Variants in PARP15 observed in about 807,000 individuals in gnomAD.
PARP15 encodes the protein protein mono-ADP-ribosyltransferase PARP15.
Under a neutral mutation model 62.1 loss-of-function variants are expected in PARP15, and 50 were observed. That is an observed-to-expected ratio of 0.81 (90% CI 0.64 to 1.02). PARP15 has a LOEUF of 1.02. PARP15 is among the 50% of genes least tolerant of loss of function. The pLI is 0.00. For missense variants in PARP15, 820 were observed against 826.5 expected, an observed-to-expected ratio of 0.99 and a Z score of 0.10; for synonymous variants, 309 against 293.1, an observed-to-expected ratio of 1.05 and a Z score of -0.55.
In PARP15 at chr3:122,635,951, G is replaced by A; in HGVS notation, c.1888G>A (p.Ala630Thr). The A allele has an allele frequency of 6.2e-7, 1 of 1,614,102 alleles. No homozygotes were observed. The highest frequency in any genetic ancestry group is 1.3e-5 in the African/African-American group (1 of 75,040). Residue 630 changes from alanine (A) to threonine (T), a missense_variant, in exon 12 of 12, where the codon GCA (alanine) becomes ACA (threonine). Physicochemically the swap from Ala to Thr is moderately conservative, Grantham distance 58. Coordinates refer to ENST00000464300, the MANE Select transcript of PARP15 (RefSeq NM_001113523.3). ...VLTGVFTKGR[A>T]GLVTPPPKNP... The stretch of plus-strand genomic sequence containing the variant: ...TACTGGAGTCTTCACAAAGGGACGT[G>A]CAGGATTAGTCACCCCTCCACCCAA...
At chr3:122,597,455 C>T (rs1308171116) in intron 1 of PARP15, among the ~76,000 whole-genome samples, 1 of 152,074 alleles carries the variant, frequency 6.6e-6, no homozygotes, top group Non-Finnish European at 1.5e-5. Context: ...TGGTGTACTG[C>T]ACCCATTAAC....
intron 1 of PARP15, among the ~76,000 whole-genome samples, chr3:122,579,101 C>T (rs1437883990): frequency 1.3e-5 from 2 of 152,022 alleles, no homozygotes; most frequent in Non-Finnish European, 2.9e-5. Context: ...TACTGATCCT[C>T]GACACAACCA....
chr3:122,582,576 C>G (rs1576470225), intron 1 of PARP15, among the ~76,000 whole-genome samples: 1 of 152,130 alleles, frequency 6.6e-6, no homozygotes, highest in South Asian at 2.1e-4. Flanking sequence ...TTATCTTTAC[C>G]CTTCTGTGTG....
intron 3 of PARP15, 117 bp from the exon 4 acceptor site, chr3:122,612,924 C>T: frequency 1.2e-6 from 1 of 855,408 alleles, no homozygotes; most frequent in South Asian, 1.7e-5. Flanking sequence ...ACTTCTCAGG[C>T]CCTGACTAAG....
Position 122,579,999 on chromosome 3 carries a change from GTATATATA to G in PARP15, c.186+2176_186+2183del, listed in dbSNP as rs59527124. ...GTCTGAACAACAACAGCAACTATAT[GTATATATA>G]TATATATATATATATATATATATAT... On this transcript the variant is annotated intron_variant, in intron 1 of 11. Coordinates refer to ENST00000464300, the MANE Select transcript of PARP15 (RefSeq NM_001113523.3). Among the ~76,000 whole-genome samples the G allele has an allele frequency of 1.4e-3, 92 of 64,458 alleles. 4 individuals are homozygous for G. Among genetic ancestry groups the G allele is most frequent in the Middle Eastern group, 8.1e-3 (1 of 124 alleles). The allele number at this position is 64,458 out of a possible 152,430, so 42.3% of individuals were successfully genotyped here.
intron 2 of PARP15, among the ~76,000 whole-genome samples, chr3:122,609,789 G>C (rs1336561511): frequency 1.3e-5 from 2 of 152,090 alleles, no homozygotes; most frequent in African/African-American, 4.8e-5. Flanking sequence ...AAGGTTTCTG[G>C]TGAGCACAAA....
intron 1 of PARP15, among the ~76,000 whole-genome samples, chr3:122,589,931 CCTGGGGTG>C: frequency 7.0e-6 from 1 of 142,298 alleles, no homozygotes; most frequent in East Asian, 2.0e-4. Context: ...TCGCTCTGTC[CCTGGGGTG>C]CAGTGGCACA....
intron 7 of PARP15, 31 bp downstream of exon 7, chr3:122,619,874 C>T: frequency 1.3e-6 from 2 of 1,574,928 alleles, no homozygotes; most frequent in Admixed American, 3.3e-5. Context: ...TGACTACAAA[C>T]TTGAAAATCA....
At chr3:122,608,663 C>A (rs968753924) in intron 2 of PARP15, among the ~76,000 whole-genome samples, 1 of 152,086 alleles carries the variant, frequency 6.6e-6, no homozygotes, top group South Asian at 2.1e-4. Context: ...CTATTCCAAT[C>A]TAAATGATTT....
chr3:122,581,934 A>T (rs1050890185), intron 1 of PARP15, among the ~76,000 whole-genome samples: 1 of 152,220 alleles, frequency 6.6e-6, no homozygotes, highest in Non-Finnish European at 1.5e-5. Context: ...GAAGTGAAAG[A>T]TCACCAGCTT....
chr3:122,602,532 A>G (rs1459715099), intron 1 of PARP15, among the ~76,000 whole-genome samples: 3 of 152,224 alleles, frequency 2.0e-5, no homozygotes, highest in African/African-American at 7.2e-5. Flanking sequence ...AATCACTTGC[A>G]TATGAATCCC....
intron 1 of PARP15, among the ~76,000 whole-genome samples, chr3:122,586,733 C>T (rs2107808879): frequency 6.6e-6 from 1 of 151,360 alleles, no homozygotes. Flanking sequence ...CCCACACAAT[C>T]CCCCCAACTA....
intron 1 of PARP15, among the ~76,000 whole-genome samples, chr3:122,586,228 ATTT>A (rs11355173): frequency 5.9e-5 from 9 of 151,300 alleles, no homozygotes; most frequent in Non-Finnish European, 1.3e-4. Context: ...TGTTAAACGT[ATTT>A]TTTTTTTTCC....
intron 1 of PARP15, among the ~76,000 whole-genome samples, chr3:122,597,796 T>A (rs1200728703): frequency 6.6e-6 from 1 of 152,168 alleles, no homozygotes; most frequent in African/African-American, 2.4e-5. Flanking sequence ...GGGGATAGAT[T>A]CTTGGACCCC....
chr3:122,615,109 C>T (rs569261831), intron 4 of PARP15: 6 of 983,150 alleles, frequency 6.1e-6, no homozygotes, highest in South Asian at 9.5e-5. Context: ...CCCAAAGATA[C>T]CTGAAAAGAA....
intron 6 of PARP15, among the ~76,000 whole-genome samples, chr3:122,618,102 T>C (rs1936106093): frequency 6.6e-6 from 1 of 152,204 alleles, no homozygotes; most frequent in Non-Finnish European, 1.5e-5. Context: ...GGAAATAGAA[T>C]TTAAATATTT....
At chr3:122,621,404 T>C (rs1373021033) in intron 7 of PARP15, 40 bp from the exon 8 acceptor site, 3 of 1,557,724 alleles carry the variant, frequency 1.9e-6, no homozygotes, top group Non-Finnish European at 2.6e-6. Flanking sequence ...CCTCCAGTAA[T>C]TAATGGGCTG....
chr3:122,579,449 A>G (rs748717601), intron 1 of PARP15, among the ~76,000 whole-genome samples: 2 of 152,168 alleles, frequency 1.3e-5, no homozygotes, highest in Non-Finnish European at 2.9e-5. Flanking sequence ...TAATGAAGAT[A>G]TAAAAGAGTT....
At chr3:122,609,856 G>T (rs1046833549) in intron 2 of PARP15, among the ~76,000 whole-genome samples, 6 of 152,116 alleles carry the variant, frequency 3.9e-5, no homozygotes. Flanking sequence ...ATTAGGCTAT[G>T]ACCCTCACTT....
Sources: allele counts gnomAD v4.1 joint callset (sites outside exome capture counted in the v4.1 genomes callset), GRCh38; gene constraint gnomAD v4.1.1; transcripts MANE v1.5; gene names NCBI Gene and HGNC (gene_info 2026-07-23, HGNC 2026-07-21).